Variants in CLXN observed in about 807,000 individuals in gnomAD.
CLXN encodes the protein calaxin.
At chr8:48,728,957 C>T in the CLXN span, 1 of 877,034 alleles carries the variant, frequency 1.1e-6, no homozygotes, top group Non-Finnish European at 1.7e-6. Context: ...CAGGATTTGT[C>T]TGATCCACTA....
chr8:48,730,639 G>C, the CLXN span: 2 of 1,601,370 alleles, frequency 1.2e-6, no homozygotes, highest in African/African-American at 1.3e-5. Context: ...TCAAAACCTC[G>C]GAATACTAAA....
the CLXN span, chr8:48,730,794 A>T: frequency 2.2e-6 from 1 of 462,370 alleles, no homozygotes; most frequent in Non-Finnish European, 3.8e-6. Flanking sequence ...AAACTAAGAC[A>T]TCATAATATC....
the CLXN span, chr8:48,729,186 A>T: frequency 3.4e-6 from 5 of 1,459,676 alleles, no homozygotes; most frequent in Middle Eastern, 5.3e-4. Flanking sequence ...ACGTAAAATG[A>T]TTACTGCAAA....
At chr8:48,721,099 A>G in the CLXN span, among the ~76,000 whole-genome samples, 1 of 152,216 alleles carries the variant, frequency 6.6e-6, no homozygotes, top group African/African-American at 2.4e-5. Context: ...GTTAGAACAA[A>G]TAAGTGAATT....
the CLXN span, among the ~76,000 whole-genome samples, chr8:48,727,852 G>T: frequency 1.1e-4 from 17 of 152,166 alleles, no homozygotes; most frequent in African/African-American, 4.1e-4. Flanking sequence ...AAACAGATGT[G>T]AGGAGAAGAG....
chr8:48,711,273 C>T, the CLXN span: 2 of 152,168 alleles, frequency 1.3e-5, no homozygotes, highest in Non-Finnish European at 2.9e-5. Flanking sequence ...TCCGAGACGG[C>T]CCAAAGAAGC....
the CLXN span, chr8:48,735,230 G>C: frequency 1.9e-6 from 3 of 1,541,200 alleles, no homozygotes; most frequent in Admixed American, 5.1e-5. Context: ...ACCCCCGCGA[G>C]CCCTGGTGCT....
the CLXN span, among the ~76,000 whole-genome samples, chr8:48,728,409 C>T: frequency 6.6e-6 from 1 of 152,164 alleles, no homozygotes; most frequent in African/African-American, 2.4e-5. Flanking sequence ...TCCTGCCCTA[C>T]CAGTCATTTA....
chr8:48,716,934 G>T, the CLXN span, among the ~76,000 whole-genome samples: 1 of 152,168 alleles, frequency 6.6e-6, no homozygotes, highest in Non-Finnish European at 1.5e-5. Flanking sequence ...TCTTGGGAGA[G>T]AAATGAACAC....
At chr8:48,732,593 A>G in the CLXN span, among the ~76,000 whole-genome samples, 1 of 152,186 alleles carries the variant, frequency 6.6e-6, no homozygotes, top group Admixed American at 6.5e-5. Flanking sequence ...AATTAAACAC[A>G]ATTATTGCGT....
At chr8:48,717,026 A>G in the CLXN span, among the ~76,000 whole-genome samples, 2 of 152,166 alleles carry the variant, frequency 1.3e-5, no homozygotes, top group East Asian at 1.9e-4. Flanking sequence ...TCAGCCAGGC[A>G]TGGTGGCACG....
At chr8:48,712,048 TG>T in the CLXN span, among the ~76,000 whole-genome samples, 4 of 152,344 alleles carry the variant, frequency 2.6e-5, no homozygotes, top group East Asian at 7.7e-4. Flanking sequence ...GACTTTATCA[TG>T]TTTCTAAAGG....
the CLXN span, among the ~76,000 whole-genome samples, chr8:48,719,736 C>G: frequency 2.8e-4 from 42 of 152,122 alleles, no homozygotes; most frequent in Non-Finnish European, 5.9e-4. Flanking sequence ...GATGAAATCT[C>G]TCAATAAAAT....
the CLXN span, among the ~76,000 whole-genome samples, chr8:48,721,682 C>T: frequency 2.6e-5 from 4 of 152,140 alleles, no homozygotes; most frequent in African/African-American, 9.7e-5. Context: ...ACAAAGGTGC[C>T]AAGAATACAC....
At chr8:48,731,754 T>C in the CLXN span, among the ~76,000 whole-genome samples, 1 of 152,120 alleles carries the variant, frequency 6.6e-6, no homozygotes, top group Non-Finnish European at 1.5e-5. Flanking sequence ...ACTAGAATAA[T>C]GATGGTGGTG....
At chr8:48,732,379 AGGAAT>A in the CLXN span, among the ~76,000 whole-genome samples, 1 of 152,212 alleles carries the variant, frequency 6.6e-6, no homozygotes, top group East Asian at 1.9e-4. Context: ...GACAGCATCT[AGGAAT>A]GGAAAAATCA....
chr8:48,729,265 C>G, the CLXN span: 1 of 786,938 alleles, frequency 1.3e-6, no homozygotes, highest in African/African-American at 1.8e-5. Context: ...TGGCTCAGGC[C>G]TGTAATCATA....
the CLXN span, among the ~76,000 whole-genome samples, chr8:48,729,310 A>C: frequency 1.3e-5 from 2 of 152,104 alleles, no homozygotes; most frequent in South Asian, 4.1e-4. Flanking sequence ...TGATTCCTTG[A>C]GGCCAGAAGT....
the CLXN span, chr8:48,735,281 G>A: frequency 9.6e-7 from 1 of 1,042,690 alleles, no homozygotes. Flanking sequence ...TCTCGTGCGC[G>A]GCCCTAACAG....
Sources: gnomAD v4.1 joint callset for allele counts (sites outside exome capture counted in the v4.1 genomes callset) on GRCh38, gnomAD v4.1.1 for gene constraint, MANE v1.5 for transcripts, NCBI Gene and HGNC (gene_info 2026-07-23, HGNC 2026-07-21) for gene names.